RHBDD1: variants seen among roughly 807,000 people sequenced by gnomAD.
RHBDD1 encodes the protein rhomboid domain containing 1, also known as rhomboid-related protein 4.
In RHBDD1, 38 loss-of-function variants were observed where a neutral mutation model predicts 36.3. The observed-to-expected ratio is 1.05, with a 90% CI of 0.81 to 1.37. The LOEUF (loss-of-function observed/expected upper bound fraction) is 1.37. Among genes scored for constraint, RHBDD1 ranks in the 40% most tolerant of loss-of-function variants. The pLI is 0.00. For synonymous variants in RHBDD1, 151 were observed against 136.5 expected (o/e 1.11, Z -0.74); for missense variants, 393 against 377.6 (o/e 1.04, Z -0.34).
At chr2:226,867,426 C>CCTG in intron 5 of RHBDD1, 108 bp downstream of exon 5, 1 of 1,294,362 alleles carries the variant, frequency 7.7e-7, no homozygotes, top group Non-Finnish European at 1.1e-6. Flanking sequence ...GAGGTTTATT[C>CCTG]TTTATCTATT....
At chr2:226,803,812 AAG>A in the RHBDD1 span, among the ~76,000 whole-genome samples, 7 of 152,212 alleles carry the variant, frequency 4.6e-5, no homozygotes, top group African/African-American at 1.4e-4. Flanking sequence ...GGCCAATTAA[AAG>A]AGAGCTGAAA....
intron 8 of RHBDD1, among the ~76,000 whole-genome samples, chr2:226,971,344 G>A (rs1280817646): frequency 6.6e-6 from 1 of 152,078 alleles, no homozygotes; most frequent in Non-Finnish European, 1.5e-5. Flanking sequence ...AAAGTCTGGT[G>A]TCGAAGGACG....
rs1959285399 is a variant in RHBDD1 at position 226,996,380 on chromosome 2, T to C, written c.*858T>C. 1 of 152,232 alleles carries C rather than the reference T, an allele frequency of 6.6e-6. No individual in the cohort carries two copies. Among genetic ancestry groups the C allele is most frequent in the African/African-American group, 2.4e-5 (1 of 41,450 alleles). The allele number at this position is 152,232 out of a possible 1,614,324, so 9.4% of individuals were successfully genotyped here. The stretch of plus-strand genomic sequence containing the variant: ...TGTTTTTCCTCATAAAAGTGCCTCT[T>C]AATTGGCCATTGTACCAGCCACTTG... On this transcript the variant is annotated 3_prime_UTR_variant, in exon 9 of 9. Coordinates refer to ENST00000392062, the MANE Select transcript of RHBDD1 (RefSeq NM_001167608.3).
intron 3 of RHBDD1, among the ~76,000 whole-genome samples, chr2:226,858,180 C>T (rs956253132): frequency 6.6e-6 from 1 of 152,112 alleles, no homozygotes; most frequent in African/African-American, 2.4e-5. Flanking sequence ...CCTAAATTTT[C>T]CCCTATTTCT....
At chr2:226,927,647 G>T (rs1474785056) in intron 8 of RHBDD1, among the ~76,000 whole-genome samples, 1 of 151,998 alleles carries the variant, frequency 6.6e-6, no homozygotes, top group Admixed American at 6.6e-5. Context: ...GGTATTTTCA[G>T]TTGTTTTTAT....
At chr2:226,968,840 C>G (rs562101423) in intron 8 of RHBDD1, 2 of 152,338 alleles carry the variant, frequency 1.3e-5, no homozygotes, top group African/African-American at 4.8e-5. Flanking sequence ...TTTCCCTGAA[C>G]CTCAGCTCTC....
At chr2:226,821,634 T>C in the RHBDD1 span, among the ~76,000 whole-genome samples, 5 of 152,048 alleles carry the variant, frequency 3.3e-5, no homozygotes, top group Non-Finnish European at 5.9e-5. Context: ...GTGAGTTGTA[T>C]TTAGCTTCTG....
intron 7 of RHBDD1, among the ~76,000 whole-genome samples, chr2:226,911,013 G>A (rs1041548182): frequency 1.3e-5 from 2 of 152,106 alleles, no homozygotes; most frequent in Non-Finnish European, 2.9e-5. Context: ...ATATTCAGAT[G>A]TTTAGAGTTG....
intron 7 of RHBDD1, 93 bp from the exon 8 acceptor site, chr2:226,914,115 A>G: frequency 9.3e-7 from 1 of 1,079,802 alleles, no homozygotes; most frequent in Non-Finnish European, 1.4e-6. Flanking sequence ...AAATAATGTT[A>G]TGCCTTACTC....
chr2:226,823,081 A>T, the RHBDD1 span, among the ~76,000 whole-genome samples: 1 of 152,104 alleles, frequency 6.6e-6, no homozygotes, highest in Non-Finnish European at 1.5e-5. Flanking sequence ...AGCCAAGAAG[A>T]CTGCACCACT....
At chr2:226,983,343 C>T (rs1956210553) in intron 8 of RHBDD1, among the ~76,000 whole-genome samples, 1 of 152,084 alleles carries the variant, frequency 6.6e-6, no homozygotes, top group African/African-American at 2.4e-5. Context: ...GTGTTTTCTG[C>T]GGGAATGTGG....
At chr2:226,821,457 G>GCCCCCTT in the RHBDD1 span, among the ~76,000 whole-genome samples, 1 of 151,716 alleles carries the variant, frequency 6.6e-6, no homozygotes, top group Non-Finnish European at 1.5e-5. Context: ...CCTGCCCCCT[G>GCCCCCTT]CCCCATGACT....
At chr2:226,848,952 G>A (rs558688379) in intron 3 of RHBDD1, among the ~76,000 whole-genome samples, 1 of 152,122 alleles carries the variant, frequency 6.6e-6, no homozygotes, top group Non-Finnish European at 1.5e-5. Context: ...TGTCACTTTG[G>A]CTCGTGGTTT....
intron 8 of RHBDD1, among the ~76,000 whole-genome samples, chr2:226,951,352 A>G (rs749905247): frequency 6.6e-6 from 1 of 152,214 alleles, no homozygotes; most frequent in African/African-American, 2.4e-5. Flanking sequence ...TAATATTAGT[A>G]TTCTGCTAAA....
At chr2:226,984,688 G>C (rs1956535818) in intron 8 of RHBDD1, among the ~76,000 whole-genome samples, 1 of 152,200 alleles carries the variant, frequency 6.6e-6, no homozygotes, top group South Asian at 2.1e-4. Context: ...TCTCCTGAAA[G>C]GAACCACTGG....
chr2:226,919,513 G>A (rs889388465), intron 8 of RHBDD1, among the ~76,000 whole-genome samples: 5 of 152,058 alleles, frequency 3.3e-5, no homozygotes, highest in Non-Finnish European at 5.9e-5. Context: ...GTGAGAGATA[G>A]GGGTCTAGTT....
intron 1 of RHBDD1, among the ~76,000 whole-genome samples, chr2:226,837,185 C>T (rs535057932): frequency 5.6e-4 from 85 of 152,286 alleles, no homozygotes; most frequent in African/African-American, 2.0e-3. Flanking sequence ...TGTTACCTCA[C>T]AGGGCTGGAA....
At chr2:226,911,938 A>G (rs1948546972) in intron 7 of RHBDD1, among the ~76,000 whole-genome samples, 1 of 152,140 alleles carries the variant, frequency 6.6e-6, no homozygotes, top group Non-Finnish European at 1.5e-5. Flanking sequence ...AGTCTCCAAA[A>G]TCCTAAACCA....
At chr2:226,851,568 CT>C (rs927404958) in intron 3 of RHBDD1, among the ~76,000 whole-genome samples, 4 of 151,840 alleles carry the variant, frequency 2.6e-5, no homozygotes, top group African/African-American at 9.7e-5. Flanking sequence ...ATCATCTTTG[CT>C]TTTTTTTAAC....
Sources: gnomAD v4.1 joint callset for allele counts (sites outside exome capture counted in the v4.1 genomes callset) on GRCh38, gnomAD v4.1.1 for gene constraint, MANE v1.5 for transcripts, NCBI Gene and HGNC (gene_info 2026-07-23, HGNC 2026-07-21) for gene names.